Variants in FAT3 observed in about 807,000 individuals in gnomAD.
FAT3 encodes protocadherin Fat 3.
Under a neutral mutation model 310.2 loss-of-function variants are expected in FAT3, and 95 were observed. That is an observed-to-expected ratio of 0.31 (90% CI 0.26 to 0.36). The LOEUF is 0.36. Ranked by LOEUF, FAT3 falls within the 10% of genes least tolerant of loss-of-function variation. The pLI is 1.00. For synonymous variants in FAT3, 2,314 were observed against 2,192.9 expected (o/e 1.06, Z -1.54); for missense variants, 5,408 against 5,715.6 (o/e 0.95, Z 1.74).
At chr11:92,853,364 G>A (rs757912015) in intron 19 of FAT3, among the ~76,000 whole-genome samples, 2 of 152,234 alleles carry the variant, frequency 1.3e-5, no homozygotes, top group Non-Finnish European at 2.9e-5. Context: ...GTGCCCAGAA[G>A]CTTGGAGATA....
At chr11:92,326,777 C>T (rs999643290) in intron 1 of FAT3, among the ~76,000 whole-genome samples, 5 of 152,200 alleles carry the variant, frequency 3.3e-5, no homozygotes, top group African/African-American at 1.2e-4. Context: ...TCATCAGAAA[C>T]TGGAGTCTTA....
At chr11:92,504,371 C>G (rs1012772011) in intron 2 of FAT3, among the ~76,000 whole-genome samples, 1 of 152,118 alleles carries the variant, frequency 6.6e-6, no homozygotes. Flanking sequence ...CCTCTCTGGT[C>G]TCTGCTCAGC....
chr11:92,876,609 T>A (rs1296757791), intron 22 of FAT3, among the ~76,000 whole-genome samples: 2 of 152,220 alleles, frequency 1.3e-5, no homozygotes, highest in Non-Finnish European at 2.9e-5. Flanking sequence ...TCTTTCCCTC[T>A]GTGTTTCTTG....
At chr11:92,496,156 G>A (rs7929506) in intron 2 of FAT3, among the ~76,000 whole-genome samples, 5,758 of 152,016 alleles carry the variant, frequency 0.038, 363 homozygotes, top group African/African-American at 0.13. Context: ...CTTACCTACC[G>A]AATGGACAAT....
chr11:92,637,395 A>G (rs1391342337), intron 3 of FAT3, among the ~76,000 whole-genome samples: 1 of 152,198 alleles, frequency 6.6e-6, no homozygotes, highest in East Asian at 1.9e-4. Context: ...AGGAAGGATG[A>G]ATTTTCATTT....
Position 92,312,725 on chromosome 11 carries a change from G to T in FAT3, c.-17-39371G>T, listed in dbSNP as rs530048796. Among the ~76,000 whole-genome samples, 3 of 152,200 alleles carry T rather than the reference G, an allele frequency of 2.0e-5. No homozygotes were observed. In the South Asian group the frequency reaches 6.2e-4, roughly 32 times the overall value. On this transcript the variant is annotated intron_variant, in intron 1 of 27. Transcript: ENST00000525166. Reference sequence around the variant, plus strand: ...GCGTGCTTCTTGGATAATAATATGGGTTTCCCAAACAACTCTTGAAGCACC... The same window carrying T: ...GCGTGCTTCTTGGATAATAATATGGTTTTCCCAAACAACTCTTGAAGCACC...
At chr11:92,730,408 T>C (rs913346331) in intron 4 of FAT3, among the ~76,000 whole-genome samples, 1 of 152,214 alleles carries the variant, frequency 6.6e-6, no homozygotes, top group Admixed American at 6.5e-5. Context: ...ATTAGTTTTA[T>C]GTACATTATC....
intron 1 of FAT3, among the ~76,000 whole-genome samples, chr11:92,349,648 C>T (rs1031982786): frequency 1.1e-4 from 17 of 152,216 alleles, no homozygotes; most frequent in African/African-American, 4.1e-4. Flanking sequence ...TCACCAGCGG[C>T]CATCTGACTT....
intron 4 of FAT3, among the ~76,000 whole-genome samples, chr11:92,705,982 ATGGTGATGG>A (rs1385281667): frequency 3.7e-4 from 21 of 56,074 alleles, no homozygotes; most frequent in Non-Finnish European, 7.4e-4. Context: ...AGTGGCAGTG[ATGGTGATGG>A]TGGTGGTGGT....
At chr11:92,466,133 G>T (rs1247726602) in intron 2 of FAT3, among the ~76,000 whole-genome samples, 2 of 152,164 alleles carry the variant, frequency 1.3e-5, no homozygotes, top group East Asian at 3.9e-4. Context: ...ATGATAGGAA[G>T]AATGGTAGGA....
chr11:92,542,983 A>G (rs1013953194), intron 3 of FAT3, among the ~76,000 whole-genome samples: 1 of 152,106 alleles, frequency 6.6e-6, no homozygotes, highest in African/African-American at 2.4e-5. Flanking sequence ...AAAAAGGAAT[A>G]CCATTCAGCT....
At chr11:92,676,437 G>A (rs1239365806) in intron 3 of FAT3, among the ~76,000 whole-genome samples, 1 of 151,968 alleles carries the variant, frequency 6.6e-6, no homozygotes, top group Non-Finnish European at 1.5e-5. Flanking sequence ...AGTCTGCCTG[G>A]TTCTGGTTAT....
intron 2 of FAT3, among the ~76,000 whole-genome samples, chr11:92,387,848 C>G (rs1949662358): frequency 6.6e-6 from 1 of 152,266 alleles, no homozygotes; most frequent in Admixed American, 6.5e-5. Context: ...TTTCTTCATG[C>G]AGATCATCTC....
chr11:92,842,028 G>A (rs560552519), intron 18 of FAT3, among the ~76,000 whole-genome samples: 1 of 152,208 alleles, frequency 6.6e-6, no homozygotes. Flanking sequence ...CCTGTTTTTA[G>A]CATTGAAGTT....
chr11:92,743,698 G>T (rs1371151964), intron 4 of FAT3, among the ~76,000 whole-genome samples: 1 of 152,220 alleles, frequency 6.6e-6, no homozygotes, highest in Non-Finnish European at 1.5e-5. Flanking sequence ...TCATGTTGAA[G>T]TTTAATCCCC....
intron 2 of FAT3, among the ~76,000 whole-genome samples, chr11:92,471,915 CTATATATA>C (rs140886151): frequency 0.09 from 11,272 of 124,604 alleles, 555 homozygotes; most frequent in Non-Finnish European, 0.11. Context: ...TTTTCATATG[CTATATATA>C]TATATATATA....
chr11:92,389,919 T>C (rs777208352), intron 2 of FAT3, among the ~76,000 whole-genome samples: 2 of 152,146 alleles, frequency 1.3e-5, no homozygotes, highest in African/African-American at 2.4e-5. Flanking sequence ...ACCAGTGTCT[T>C]CACATTACCT....
In FAT3 at chr11:92,355,356, A is replaced by G; in HGVS notation, c.3244A>G (p.Ile1082Val). 1 of 1,613,822 alleles carries G rather than the reference A, an allele frequency of 6.2e-7. No individual in the cohort carries two copies. Among genetic ancestry groups the G allele is most frequent in the African/African-American group, 1.3e-5 (1 of 75,054 alleles). The change falls in exon 2 of 28, where the codon ATC (isoleucine) becomes GTC (valine). Residue 1082 changes from isoleucine to valine, a missense_variant. Physicochemically the swap from Ile to Val is conservative, Grantham distance 29. Around this residue, in one of 5 missense-constraint regions of FAT3, gnomAD observed 4,588 missense variants for 4,809.8 expected, o/e 0.95. Transcript: ENST00000525166. ...AAGGGATGGAGAGATCCAGTACTCC[A>G]TCAGGGATGGCAGTGGTCTTGGAAG... Reference protein sequence around the residue: ...SGRDGEIQYSIRDGSGLGRFS... With the variant: ...SGRDGEIQYSVRDGSGLGRFS...
intron 2 of FAT3, among the ~76,000 whole-genome samples, chr11:92,418,102 GT>G (rs1295334309): frequency 2.0e-5 from 3 of 152,094 alleles, no homozygotes; most frequent in African/African-American, 7.2e-5. Context: ...ATCAAAATGA[GT>G]TTTTGTATGT....
Sources: allele counts gnomAD v4.1 joint callset (sites outside exome capture counted in the v4.1 genomes callset), GRCh38; gene constraint gnomAD v4.1.1; regional missense constraint gnomAD v4.1.1; transcripts MANE v1.5; gene names NCBI Gene and HGNC (gene_info 2026-07-23, HGNC 2026-07-21).